Variants in AGBL1 observed in about 807,000 individuals in gnomAD.
AGBL1 encodes the protein AGBL carboxypeptidase 1.
A neutral mutation model predicts 118.9 loss-of-function variants in AGBL1; 130 were observed. That is an observed-to-expected ratio of 1.09 (90% CI 0.95 to 1.26). The LOEUF (loss-of-function observed/expected upper bound fraction) is 1.26. AGBL1 is among the 50% of genes most tolerant of loss of function. The probability of loss-of-function intolerance (pLI) is 0.00; values close to 1 mark genes in which losing one functional copy is unlikely to be tolerated. For missense variants in AGBL1, 1,584 were observed against 1,298.1 expected (o/e 1.22, Z -3.38); for synonymous variants, 555 against 478.9 (o/e 1.16, Z -2.08).
rs114882585 is a variant in AGBL1, at chr15:86,202,822, C to T, written c.489-22092C>T. Among the ~76,000 whole-genome samples the T allele has an allele frequency of 8.0e-3, 1,213 of 152,228 alleles. 16 individuals are homozygous for T. The highest frequency in any genetic ancestry group is 0.028 in the African/African-American group (1,156 of 41,534). On this transcript the variant is annotated intron_variant, in intron 5 of 22. Transcript: ENST00000614907. ...CTGTAGTGGCTTATCACAGGCAAAG[C>T]CCTGGTGCTAAGTGCTTCTAGAGTT...
chr15:86,922,209 A>G (rs1017225707), intron 23 of AGBL1, among the ~76,000 whole-genome samples: 3 of 152,226 alleles, frequency 2.0e-5, no homozygotes, highest in African/African-American at 7.2e-5. Flanking sequence ...TATTATTAGT[A>G]ATAGTATTAA....
intron 18 of AGBL1, among the ~76,000 whole-genome samples, chr15:86,399,496 T>C (rs1049249106): frequency 6.6e-6 from 1 of 152,170 alleles, no homozygotes; most frequent in African/African-American, 2.4e-5. Context: ...ATATGATTCG[T>C]TGGGAATTCT....
At chr15:86,577,091 A>G (rs1186995047) in intron 21 of AGBL1, among the ~76,000 whole-genome samples, 2 of 152,222 alleles carry the variant, frequency 1.3e-5, no homozygotes, top group Non-Finnish European at 2.9e-5. Flanking sequence ...TGGAGGGTTC[A>G]GAAGAAGACA....
At chr15:86,286,217 T>TG (rs2079444217) in intron 16 of AGBL1, among the ~76,000 whole-genome samples, 1 of 152,020 alleles carries the variant, frequency 6.6e-6, no homozygotes. Flanking sequence ...TAGGGTACAA[T>TG]GGGGTGTGTT....
chr15:86,281,121 C>T (rs925766812), intron 16 of AGBL1, among the ~76,000 whole-genome samples: 1 of 152,206 alleles, frequency 6.6e-6, no homozygotes, highest in Admixed American at 6.5e-5. Flanking sequence ...CAGTGGCTCA[C>T]TCCTGTAATC....
intron 21 of AGBL1, among the ~76,000 whole-genome samples, chr15:86,606,096 C>T (rs749562107): frequency 4.4e-4 from 53 of 120,996 alleles, no homozygotes; most frequent in Admixed American, 2.3e-3. Context: ...CACTGCACTC[C>T]AGCATGGGTG....
At chr15:86,954,629 T>C (rs1013495087) in intron 23 of AGBL1, among the ~76,000 whole-genome samples, 2 of 152,056 alleles carry the variant, frequency 1.3e-5, no homozygotes, top group African/African-American at 4.8e-5. Context: ...CATGGGAACA[T>C]AGACGCTGTG....
chr15:86,406,132 G>A (rs184044484), intron 18 of AGBL1, among the ~76,000 whole-genome samples: 1 of 152,328 alleles, frequency 6.6e-6, no homozygotes, highest in East Asian at 1.9e-4. Flanking sequence ...AGCTGAAGGA[G>A]TAGGGATTGA....
At chr15:86,184,906 A>G (rs2077607438) in intron 5 of AGBL1, among the ~76,000 whole-genome samples, 2 of 152,190 alleles carry the variant, frequency 1.3e-5, no homozygotes, top group South Asian at 4.1e-4. Context: ...CTACAGCCAA[A>G]ATTGACAAAT....
At chr15:86,779,941 A>ACACC (rs953096175) in intron 22 of AGBL1, among the ~76,000 whole-genome samples, 6 of 151,648 alleles carry the variant, frequency 4.0e-5, no homozygotes, top group Admixed American at 6.6e-5. Flanking sequence ...ACACACACAC[A>ACACC]CCCCTACACT....
rs1331308613 is a variant in AGBL1, at chr15:86,910,488, C to T, written c.*3194C>T. 6.6e-6 allele frequency: 1 copy of T among 152,192 alleles called. No individual in the cohort carries two copies. The highest frequency in any genetic ancestry group is 2.4e-5 in the African/African-American group (1 of 41,450). The allele number at this position is 152,192 out of a possible 1,614,324, so 9.4% of individuals were successfully genotyped here. On this transcript the variant is annotated 3_prime_UTR_variant, in exon 23 of 23. Coordinates refer to ENST00000614907, the MANE Select transcript of AGBL1 (RefSeq NM_001386094.1). ...GCTTTCAGCAGAGGCATGCCCGTGA[C>T]TGATATCAGCGCCATTTTTCCCTTG...
intron 21 of AGBL1, among the ~76,000 whole-genome samples, chr15:86,614,130 C>G (rs2142396447): frequency 6.6e-6 from 1 of 152,306 alleles, no homozygotes; most frequent in East Asian, 1.9e-4. Flanking sequence ...CTGTAAGCAT[C>G]TATTACACTC....
intron 5 of AGBL1, among the ~76,000 whole-genome samples, chr15:86,169,959 G>C (rs1235057359): frequency 6.6e-6 from 1 of 152,178 alleles, no homozygotes; most frequent in Non-Finnish European, 1.5e-5. Flanking sequence ...AAAATATTCA[G>C]CACTAAGTGA....
chr15:86,161,868 A>C (rs1485879725), intron 5 of AGBL1, among the ~76,000 whole-genome samples: 1 of 152,182 alleles, frequency 6.6e-6, no homozygotes, highest in Non-Finnish European at 1.5e-5. Context: ...ACTTTTCTTA[A>C]CTAAACTTTG....
At chr15:86,436,629 GC>G (rs1399400858) in intron 18 of AGBL1, among the ~76,000 whole-genome samples, 1 of 152,122 alleles carries the variant, frequency 6.6e-6, no homozygotes, top group Non-Finnish European at 1.5e-5. Flanking sequence ...GACCTTTGCT[GC>G]CATAACAATT....
chr15:86,090,018 A>T (rs1250772883), intron 1 of AGBL1, among the ~76,000 whole-genome samples: 1 of 152,246 alleles, frequency 6.6e-6, no homozygotes. Flanking sequence ...ACATTTGTCG[A>T]GTACTTACTA....
At chr15:86,107,108 A>G (rs189851436) in intron 1 of AGBL1, among the ~76,000 whole-genome samples, 290 of 152,352 alleles carry the variant, frequency 1.9e-3, no homozygotes, top group Non-Finnish European at 3.3e-3. Flanking sequence ...GCACAAAATC[A>G]TCCAGCAAGC....
At chr15:86,375,243 G>A (rs190699618) in intron 17 of AGBL1, among the ~76,000 whole-genome samples, 6 of 152,304 alleles carry the variant, frequency 3.9e-5, no homozygotes, top group South Asian at 2.1e-4. Flanking sequence ...ATTTCCACTC[G>A]GCTGGCAAGG....
At chr15:86,263,081 A>C (rs2079018525) in intron 10 of AGBL1, among the ~76,000 whole-genome samples, 187 bp downstream of exon 10, 1 of 152,232 alleles carries the variant, frequency 6.6e-6, no homozygotes, top group Non-Finnish European at 1.5e-5. Flanking sequence ...AATGGAAAAA[A>C]GTTACGATGT....
Sources: allele counts gnomAD v4.1 joint callset (sites outside exome capture counted in the v4.1 genomes callset), GRCh38; gene constraint gnomAD v4.1.1; transcripts MANE v1.5; gene names NCBI Gene and HGNC (gene_info 2026-07-23, HGNC 2026-07-21).